Variants in ZNF804B observed in about 807,000 individuals in gnomAD.
ZNF804B encodes zinc finger 804B.
Under a neutral mutation model 101.4 loss-of-function variants are expected in ZNF804B, and 80 were observed. That is an observed-to-expected ratio of 0.79 (90% confidence interval 0.66 to 0.95). The LOEUF is 0.95. Ranked by LOEUF, ZNF804B falls within the 40% of genes least tolerant of loss-of-function variation. ZNF804B has a pLI of 0.00. For missense variants in ZNF804B, 1,673 were observed against 1,561.9 expected (o/e 1.07, Z -1.20); for synonymous variants, 622 against 558.8 (o/e 1.11, Z -1.59).
At chr7:88,879,525 A>G (rs1053181634) in intron 1 of ZNF804B, among the ~76,000 whole-genome samples, 10 of 152,150 alleles carry the variant, frequency 6.6e-5, no homozygotes, top group South Asian at 2.1e-4. Context: ...TGTGTGGGAG[A>G]TCATATGTGT....
At chr7:88,950,973 G>T (rs1042216397) in intron 1 of ZNF804B, among the ~76,000 whole-genome samples, 1 of 151,290 alleles carries the variant, frequency 6.6e-6, no homozygotes, top group Non-Finnish European at 1.5e-5. Flanking sequence ...GGTACATAAC[G>T]TACCTCTGAA....
intron 1 of ZNF804B, among the ~76,000 whole-genome samples, chr7:89,133,722 A>G (rs1277753341): frequency 2.0e-5 from 3 of 152,112 alleles, no homozygotes; most frequent in African/African-American, 7.2e-5. Flanking sequence ...TAGTAGAAAT[A>G]AACGTCATGG....
At chr7:88,763,062 T>C (rs1789923128) in intron 1 of ZNF804B, among the ~76,000 whole-genome samples, 1 of 152,290 alleles carries the variant, frequency 6.6e-6, no homozygotes, top group South Asian at 2.1e-4. Flanking sequence ...CTTTTGTAGT[T>C]CTGATATTAT....
In ZNF804B at chr7:89,335,790, A is replaced by ATTGTCAAGAT; in HGVS notation, c.2809_2810insTGTCAAGATT (p.Cys937LeufsTer10). On this transcript the variant is annotated frameshift_variant, in exon 4 of 4. Transcript: ENST00000333190. LOFTEE classifies it high-confidence loss of function. ...TTTTAGAAAGAGTACAAGCCAAGAA[A>ATTGTCAAGAT]TGTCAAGAACAATCAAGTAATGTTG... 1 of 1,614,114 alleles carries ATTGTCAAGAT rather than the reference A, an allele frequency of 6.2e-7. No homozygotes were observed. Among genetic ancestry groups the ATTGTCAAGAT allele is most frequent in the Middle Eastern group, 1.7e-4 (1 of 6,060 alleles).
chr7:88,855,289 C>T (rs374248890), intron 1 of ZNF804B, among the ~76,000 whole-genome samples: 7 of 150,032 alleles, frequency 4.7e-5, no homozygotes, highest in South Asian at 2.2e-4. Flanking sequence ...TTTTAATGAT[C>T]GCCATTCTAA....
intron 1 of ZNF804B, among the ~76,000 whole-genome samples, chr7:89,003,827 A>G (rs1183645197): frequency 6.6e-6 from 1 of 151,940 alleles, no homozygotes; most frequent in Non-Finnish European, 1.5e-5. Flanking sequence ...CATGAATCAT[A>G]CAGGTGAAAA....
At chr7:89,190,499 T>G (rs990656673) in intron 1 of ZNF804B, among the ~76,000 whole-genome samples, 22 of 152,070 alleles carry the variant, frequency 1.4e-4, no homozygotes, top group African/African-American at 5.3e-4. Flanking sequence ...CTACTTCTGG[T>G]GAAGGTGCTA....
chr7:89,132,092 A>G (rs1341142116), intron 1 of ZNF804B, among the ~76,000 whole-genome samples: 3 of 151,790 alleles, frequency 2.0e-5, no homozygotes, highest in Non-Finnish European at 2.9e-5. Context: ...TGGGAAGGAT[A>G]AGGAAGTCCT....
At chr7:89,106,351 C>G (rs1395186602) in intron 1 of ZNF804B, among the ~76,000 whole-genome samples, 1 of 152,056 alleles carries the variant, frequency 6.6e-6, no homozygotes, top group African/African-American at 2.4e-5. Flanking sequence ...GTTTTTTATA[C>G]TTTAAAAGAT....
At chr7:88,952,121 T>A (rs1211123709) in intron 1 of ZNF804B, among the ~76,000 whole-genome samples, 1 of 151,840 alleles carries the variant, frequency 6.6e-6, no homozygotes, top group Non-Finnish European at 1.5e-5. Flanking sequence ...GCAGACTTGG[T>A]AAAGCTCACT....
At chr7:89,015,519 A>G (rs1250936643) in intron 1 of ZNF804B, among the ~76,000 whole-genome samples, 1 of 151,728 alleles carries the variant, frequency 6.6e-6, no homozygotes, top group Non-Finnish European at 1.5e-5. Flanking sequence ...CCAGAGTGTA[A>G]TGTTCCCCTT....
intron 1 of ZNF804B, among the ~76,000 whole-genome samples, chr7:88,875,672 C>T (rs62464062): frequency 0.032 from 4,892 of 151,994 alleles, 114 homozygotes; most frequent in Non-Finnish European, 0.046. Flanking sequence ...TAATCAATAG[C>T]TTACCAACCA....
intron 1 of ZNF804B, among the ~76,000 whole-genome samples, chr7:88,891,664 G>C (rs930715330): frequency 6.6e-6 from 1 of 151,058 alleles, no homozygotes; most frequent in Non-Finnish European, 1.5e-5. Context: ...GCTAGTTGAG[G>C]CTTTAATTCC....
At chr7:88,771,036 A>G (rs1301683721) in intron 1 of ZNF804B, among the ~76,000 whole-genome samples, 1 of 152,182 alleles carries the variant, frequency 6.6e-6, no homozygotes, top group Non-Finnish European at 1.5e-5. Context: ...TCAGTACAAC[A>G]CTATCATATA....
intron 1 of ZNF804B, among the ~76,000 whole-genome samples, chr7:89,154,853 T>G (rs1790932958): frequency 6.6e-6 from 1 of 151,986 alleles, no homozygotes; most frequent in African/African-American, 2.4e-5. Flanking sequence ...CATTTAAAAA[T>G]AACTACAATA....
intron 1 of ZNF804B, among the ~76,000 whole-genome samples, chr7:89,193,091 A>G (rs1396784552): frequency 6.6e-6 from 1 of 152,056 alleles, no homozygotes; most frequent in East Asian, 1.9e-4. Flanking sequence ...CTGGCAAAAG[A>G]CAGGGATGCC....
intron 1 of ZNF804B, among the ~76,000 whole-genome samples, chr7:88,991,419 G>A (rs2116153929): frequency 6.6e-6 from 1 of 152,272 alleles, no homozygotes; most frequent in South Asian, 2.1e-4. Flanking sequence ...AGTGGATTCA[G>A]TGGATGATGT....
chr7:88,989,398 C>G (rs986692129), intron 1 of ZNF804B, among the ~76,000 whole-genome samples: 1 of 152,102 alleles, frequency 6.6e-6, no homozygotes, highest in Non-Finnish European at 1.5e-5. Flanking sequence ...TAACAAAACA[C>G]TGAGCCACGT....
intron 1 of ZNF804B, among the ~76,000 whole-genome samples, chr7:89,140,196 T>C (rs991648346): frequency 2.0e-5 from 3 of 152,128 alleles, no homozygotes; most frequent in East Asian, 3.9e-4. Flanking sequence ...TTAAAATATA[T>C]AAAACCATGC....
Sources: allele counts gnomAD v4.1 joint callset (sites outside exome capture counted in the v4.1 genomes callset), GRCh38; gene constraint gnomAD v4.1.1; transcripts MANE v1.5; gene names NCBI Gene and HGNC (gene_info 2026-07-23, HGNC 2026-07-21).